Variants in PLVAP observed in about 807,000 individuals in gnomAD.
The protein encoded by PLVAP is plasmalemma vesicle associated protein, also known as plasmalemma vesicle-associated protein.
A neutral mutation model predicts 43.1 loss-of-function variants in PLVAP; 34 were observed. The ratio of observed to expected loss-of-function variants is 0.79; its 90% CI spans 0.60 to 1.05. The LOEUF (loss-of-function observed/expected upper bound fraction) is 1.05, where lower values mean the gene tolerates loss of function less well. Among genes scored for constraint, PLVAP ranks in the 50% least tolerant of loss-of-function variants. The probability of loss-of-function intolerance (pLI) is 0.00; values close to 1 mark genes in which losing one functional copy is unlikely to be tolerated. For synonymous variants in PLVAP, 241 were observed against 237.3 expected (o/e 1.02, Z -0.14); for missense variants, 574 against 593.4 (o/e 0.97, Z 0.34).
At chr19:17,370,249 A>G (rs1349877280) in intron 1 of PLVAP, among the ~76,000 whole-genome samples, 3 of 152,132 alleles carry the variant, frequency 2.0e-5, no homozygotes, top group African/African-American at 7.2e-5. Context: ...GTTCCTCAAA[A>G]TGTTAAACAT....
Position 17,352,033 on chromosome 19 carries a change from G to A in PLVAP, c.*329C>T, listed in dbSNP as rs892439784. 1.5e-5 allele frequency: 6 copies of A among 394,924 alleles called. No individual in the cohort carries two copies. The highest frequency in any genetic ancestry group is 1.2e-4 in the African/African-American group (6 of 49,846). 24.5% of individuals were successfully genotyped at this position (394,924 alleles called of 1,614,324 possible). On this transcript the variant is annotated 3_prime_UTR_variant, in exon 6 of 6. Transcript: ENST00000252590. ...TGCCAAGTTCCCCATGTCTGTGTGC[G>A]ACGTGCTGCATCTGCACGACGCCAT...
Position 17,360,846 on chromosome 19 carries a change from A to T in PLVAP, c.1180-14T>A. 1 of 1,610,958 alleles carries T rather than the reference A, an allele frequency of 6.2e-7. No homozygotes were observed. The highest frequency in any genetic ancestry group is 8.5e-7 in the Non-Finnish European group (1 of 1,177,726). On this transcript the variant is annotated splice_polypyrimidine_tract_variant and intron_variant, in intron 3 of 5. Transcript: ENST00000252590. ...CATCGGCTGCGACTGTGAAAGAAAG[A>T]TGGAGGGAGGTTGGTAGGAGCCAGG... is the stretch of plus-strand genomic sequence containing the variant.
intron 5 of PLVAP, among the ~76,000 whole-genome samples, chr19:17,358,358 C>T (rs1292942446): frequency 6.6e-6 from 1 of 151,842 alleles, no homozygotes; most frequent in Non-Finnish European, 1.5e-5. Context: ...ATCTACTTGG[C>T]CAGAAATCCC....
intron 5 of PLVAP, among the ~76,000 whole-genome samples, chr19:17,358,657 G>C (rs1021943616): frequency 6.6e-6 from 1 of 152,170 alleles, no homozygotes; most frequent in African/African-American, 2.4e-5. Context: ...AGGAGGCAGG[G>C]GGCACAGGCA....
chr19:17,376,802 G>T, intron 1 of PLVAP, 118 bp downstream of exon 1: 2 of 1,064,232 alleles, frequency 1.9e-6, no homozygotes, highest in Non-Finnish European at 2.7e-6. Context: ...TGTCTCATAA[G>T]AAAAGAGAGC....
At chr19:17,354,972 C>T (rs1288780384) in intron 5 of PLVAP, among the ~76,000 whole-genome samples, 9 of 151,154 alleles carry the variant, frequency 6.0e-5, no homozygotes, top group South Asian at 4.2e-4. Context: ...CTGTAATCCT[C>T]GCACTTTAGG....
chr19:17,365,196 C>G, intron 3 of PLVAP, 90 bp downstream of exon 3: 1 of 1,271,258 alleles, frequency 7.9e-7, no homozygotes, highest in Non-Finnish European at 1.1e-6. Flanking sequence ...AAGCCATCCT[C>G]AAAGCCAACT....
In PLVAP at chr19:17,360,762, T is replaced by C. The variant is rs374627317; in HGVS notation, c.1240+10A>G. 15 of 1,612,462 alleles carry C rather than the reference T, an allele frequency of 9.3e-6. No individual in the cohort carries two copies. The African/African-American group carries it at 1.9e-4, about 20-fold the overall frequency. ...CCCTCCCCTACTTGGCTCTGTCTTT[T>C]GTCACTCACCGATGGGCTGGGGGTT... On this transcript the variant is annotated intron_variant, in intron 4 of 5. Coordinates refer to ENST00000252590, the MANE Select transcript of PLVAP (RefSeq NM_031310.3).
chr19:17,365,071 C>T (rs1031359625), intron 3 of PLVAP, among the ~76,000 whole-genome samples: 1 of 152,132 alleles, frequency 6.6e-6, no homozygotes, highest in African/African-American at 2.4e-5. Flanking sequence ...CTGCGCACGG[C>T]ACTCTAATTC....
chr19:17,353,044 C>T (rs369047058), intron 5 of PLVAP, among the ~76,000 whole-genome samples: 1 of 152,256 alleles, frequency 6.6e-6, no homozygotes, highest in African/African-American at 2.4e-5. Context: ...TGCCCTCCCC[C>T]TCCTGGGCCT....
intron 5 of PLVAP, among the ~76,000 whole-genome samples, chr19:17,355,257 AT>A (rs2074502123): frequency 1.4e-5 from 2 of 146,112 alleles, no homozygotes; most frequent in African/African-American, 5.1e-5. Flanking sequence ...AATAATAATA[AT>A]AATAAAATAA....
chr19:17,358,634 G>A (rs969244158), intron 5 of PLVAP, among the ~76,000 whole-genome samples: 21 of 152,192 alleles, frequency 1.4e-4, no homozygotes, highest in Admixed American at 6.5e-5. Context: ...TCTGAGAAGT[G>A]ACTGACTCTG....
At chr19:17,355,227 A>ATAATAATAATAG (rs1555728890) in intron 5 of PLVAP, among the ~76,000 whole-genome samples, 1 of 98,058 alleles carries the variant, frequency 1.0e-5, no homozygotes, top group Non-Finnish European at 1.8e-5. Flanking sequence ...CCATCTCAAA[A>ATAATAATAATAG]TAATAATAAT....
chr19:17,362,298 C>T (rs1434300349), intron 3 of PLVAP: 1 of 151,976 alleles, frequency 6.6e-6, no homozygotes, highest in Admixed American at 6.6e-5. Context: ...GATGTTAACC[C>T]GAAACAGTCC....
rs186073536 is a variant in PLVAP, at chr19:17,364,866, G to A, written c.1179+420C>T. 3.3e-3 allele frequency among the ~76,000 whole-genome samples: 463 copies of A among 141,740 alleles called. 2 individuals carry two copies. Among genetic ancestry groups the A allele is most frequent in the Non-Finnish European group, 4.1e-3 (269 of 66,342 alleles). The allele number at this position is 141,740 out of a possible 152,430, so 93.0% of individuals were successfully genotyped here. ...TGGCTCACTGCAACCTCCACCTCCC[G>A]GGTTCAAGCGATTCTCCTGCTTCAG... On this transcript the variant is annotated intron_variant, in intron 3 of 5. Transcript: ENST00000252590.
chr19:17,361,887 T>A (rs1479964753), intron 3 of PLVAP, among the ~76,000 whole-genome samples: 2 of 149,642 alleles, frequency 1.3e-5, no homozygotes, highest in African/African-American at 5.0e-5. Flanking sequence ...CTGGCCAACA[T>A]GGTGAAACCC....
Position 17,377,316 on chromosome 19 carries a change from G to A in PLVAP, c.-28C>T, listed in dbSNP as rs760470894. 7 of 1,568,836 alleles carry A rather than the reference G, an allele frequency of 4.5e-6. No homozygotes were observed. The highest frequency in any genetic ancestry group is 1.7e-5 in the Admixed American group (1 of 58,760). ...GCTCGATCCCGCCGTCCGGTGCACC[G>A]TCCCTGCTCACCACCAGGCCTGCTC... On this transcript the variant is annotated 5_prime_UTR_variant, in exon 1 of 6. It adds an upstream start codon to the 5' untranslated region. Coordinates refer to ENST00000252590, the MANE Select transcript of PLVAP (RefSeq NM_031310.3).
intron 5 of PLVAP, among the ~76,000 whole-genome samples, chr19:17,355,003 C>T (rs1407225130): frequency 6.6e-6 from 1 of 151,556 alleles, no homozygotes; most frequent in South Asian, 2.1e-4. Flanking sequence ...GGGCAGATCA[C>T]CTGAGATCAG....
intron 1 of PLVAP, among the ~76,000 whole-genome samples, chr19:17,376,348 G>T (rs530341598): frequency 6.6e-6 from 1 of 152,098 alleles, no homozygotes; most frequent in Admixed American, 6.6e-5. Context: ...ATATTAGCTG[G>T]GTGTGGTGGT....
Sources: gnomAD v4.1 joint callset for allele counts (sites outside exome capture counted in the v4.1 genomes callset) on GRCh38, gnomAD v4.1.1 for gene constraint, MANE v1.5 for transcripts, NCBI Gene and HGNC (gene_info 2026-07-23, HGNC 2026-07-21) for gene names.